The following STAU1 variants were observed in gnomAD, a reference collection of about 807,000 sequenced individuals.
STAU1 encodes staufen double-stranded RNA binding protein 1.
A neutral mutation model predicts 62.9 loss-of-function variants in STAU1; 13 were observed. The observed-to-expected ratio is 0.21, with a 90% CI of 0.13 to 0.33. STAU1 has a LOEUF of 0.33. Among genes scored for constraint, STAU1 ranks in the 10% least tolerant of loss-of-function variants. STAU1 has a pLI of 1.00. For synonymous variants in STAU1, 269 were observed against 265.1 expected (o/e 1.01, Z -0.14); for missense variants, 571 against 712.1 (o/e 0.80, Z 2.25).
At chr20:49,119,554 A>G (rs539032871) in intron 9 of STAU1, among the ~76,000 whole-genome samples, 1 of 152,316 alleles carries the variant, frequency 6.6e-6, no homozygotes, top group South Asian at 2.1e-4. Flanking sequence ...GCCTGTCTCT[A>G]CTGTCACACT....
intron 3 of STAU1, among the ~76,000 whole-genome samples, chr20:49,161,001 A>C (rs371329735): frequency 6.6e-6 from 1 of 152,084 alleles, no homozygotes; most frequent in Non-Finnish European, 1.5e-5. Flanking sequence ...AATCCCAAAC[A>C]ACCATACACT....
chr20:49,125,198 CAAAAAAAAAA>C (rs1171534142), intron 6 of STAU1, among the ~76,000 whole-genome samples: 54 of 33,736 alleles, frequency 1.6e-3, no homozygotes, highest in Admixed American at 4.8e-3. Context: ...CTCATTTTTG[CAAAAAAAAAA>C]AAAAAAAAAA....
intron 6 of STAU1, chr20:49,134,463 A>C (rs2146019425): frequency 3.9e-6 from 3 of 775,126 alleles, no homozygotes; most frequent in Non-Finnish European, 6.5e-6. Flanking sequence ...CTGGGTTGAA[A>C]CCCGGGCGCC....
chr20:49,145,425 A>AAC (rs2093107667), intron 5 of STAU1, among the ~76,000 whole-genome samples: 1 of 1,674 alleles, frequency 6.0e-4, no homozygotes, highest in Non-Finnish European at 1.5e-3. Flanking sequence ...CTCCGTCTCA[A>AAC]AAAAAAAAAA....
upstream of STAU1, among the ~76,000 whole-genome samples, chr20:49,189,408 G>C (rs1370462207): frequency 6.6e-6 from 1 of 151,316 alleles, no homozygotes; most frequent in African/African-American, 2.4e-5. Context: ...GCCGAGGTGG[G>C]CGGATCACCT....
In STAU1 at chr20:49,124,699, A is replaced by T. The variant is rs2092551615; in HGVS notation, c.610-112T>A. ...ACAGGGAAGGGGAACCAAGGACAAG[A>T]CCTACTAAATGAAAGGAAGCGGGGA... On this transcript the variant is annotated intron_variant, in intron 6 of 13. Transcript: ENST00000371856. 5 of 1,069,336 alleles carry T rather than the reference A, an allele frequency of 4.7e-6. No individual in the cohort carries two copies. The South Asian group carries it at 6.7e-5, about 14-fold the overall frequency. 66.2% of individuals were successfully genotyped at this position (1,069,336 alleles called of 1,614,324 possible). A position where few individuals can be genotyped will look rare whatever the true frequency, so the allele number is the denominator to read the frequency against.
chr20:49,121,642 TTC>T (rs1199894876), intron 8 of STAU1, among the ~76,000 whole-genome samples: 3 of 95,068 alleles, frequency 3.2e-5, no homozygotes, highest in East Asian at 2.1e-4. Flanking sequence ...TACACATCCT[TTC>T]TGTCAGTAAA....
In STAU1 at chr20:49,142,807, A is replaced by G. The variant is rs138869345; in HGVS notation, c.511-6876T>C. ...TGAAATTATTTTGCTCTTTTACACA[A>G]TTTTTTTCTTTTGAGACAGGGCCTC... On this transcript the variant is annotated intron_variant, in intron 5 of 13. Coordinates refer to ENST00000371856, the MANE Select transcript of STAU1 (RefSeq NM_017453.4). 2.5e-4 allele frequency among the ~76,000 whole-genome samples: 38 copies of G among 152,050 alleles called. 1 individual carries two copies. The South Asian group carries it at 7.7e-3, about 31-fold the overall frequency.
chr20:49,218,425 C>T, the STAU1 span, among the ~76,000 whole-genome samples: 1 of 151,874 alleles, frequency 6.6e-6, no homozygotes, highest in Non-Finnish European at 1.5e-5. Flanking sequence ...CGGGGTTTCA[C>T]CGTGTTAGCC....
intron 5 of STAU1, among the ~76,000 whole-genome samples, chr20:49,140,046 C>T (rs1329992424): frequency 4.0e-5 from 6 of 150,760 alleles, no homozygotes; most frequent in African/African-American, 9.8e-5. Context: ...ATTAGCTGAG[C>T]GTGGTGACGC....
rs576716048 is a variant in STAU1, at chr20:49,156,301, A to T, written c.206-2230T>A. Among the ~76,000 whole-genome samples the T allele has an allele frequency of 2.0e-5, 3 of 152,290 alleles. No individual in the cohort carries two copies. The South Asian group carries it at 6.2e-4, about 32-fold the overall frequency. On this transcript the variant is annotated intron_variant, in intron 3 of 13. Transcript: ENST00000371856. Reference sequence around the variant, plus strand: ...CTGGTCACCCGCCATCCTTCCTATGACCGCCTTTCCAGATTGTCAGGCGTT... The same window carrying T: ...CTGGTCACCCGCCATCCTTCCTATGTCCGCCTTTCCAGATTGTCAGGCGTT...
chr20:49,156,651 T>A (rs1487799568), intron 3 of STAU1, among the ~76,000 whole-genome samples: 1 of 152,202 alleles, frequency 6.6e-6, no homozygotes, highest in Non-Finnish European at 1.5e-5. Flanking sequence ...GATTTCCAAG[T>A]GTCAGCAGTA....
the STAU1 span, among the ~76,000 whole-genome samples, chr20:49,202,524 A>G: frequency 6.6e-6 from 1 of 151,788 alleles, no homozygotes; most frequent in Non-Finnish European, 1.5e-5. Context: ...AGATCACACC[A>G]CTGCACTCCA....
At chr20:49,171,271 A>T (rs188202772) in intron 2 of STAU1, among the ~76,000 whole-genome samples, 1 of 152,288 alleles carries the variant, frequency 6.6e-6, no homozygotes, top group Non-Finnish European at 1.5e-5. Flanking sequence ...TAAAATACCC[A>T]CATCATTCCT....
chr20:49,120,774 G>A (rs765887648), intron 8 of STAU1, among the ~76,000 whole-genome samples: 1 of 152,154 alleles, frequency 6.6e-6, no homozygotes, highest in Non-Finnish European at 1.5e-5. Flanking sequence ...GATGTTACAT[G>A]TCTTCATTGT....
chr20:49,206,998 C>A, the STAU1 span, among the ~76,000 whole-genome samples: 6 of 151,880 alleles, frequency 4.0e-5, no homozygotes, highest in Middle Eastern at 3.4e-3. Flanking sequence ...TTGTGATCCA[C>A]CCGCCTTGGC....
chr20:49,206,744 TATATATA>T, the STAU1 span, among the ~76,000 whole-genome samples: 37 of 132,074 alleles, frequency 2.8e-4, no homozygotes, highest in African/African-American at 4.3e-4. Flanking sequence ...TATATATATA[TATATATA>T]TTTTATTTTA....
At chr20:49,161,112 A>C (rs1405233999) in intron 3 of STAU1, among the ~76,000 whole-genome samples, 1 of 152,002 alleles carries the variant, frequency 6.6e-6, no homozygotes, top group Non-Finnish European at 1.5e-5. Flanking sequence ...TGAGCCCAGC[A>C]ACTCAAAACA....
At chr20:49,141,326 C>A (rs1031421640) in intron 5 of STAU1, among the ~76,000 whole-genome samples, 1 of 152,114 alleles carries the variant, frequency 6.6e-6, no homozygotes, top group Non-Finnish European at 1.5e-5. Context: ...TGGTGGCTCA[C>A]GCCTGTAGTC....
Sources: gnomAD v4.1 joint callset for allele counts (sites outside exome capture counted in the v4.1 genomes callset) on GRCh38, gnomAD v4.1.1 for gene constraint, MANE v1.5 for transcripts, NCBI Gene and HGNC (gene_info 2026-07-23, HGNC 2026-07-21) for gene names.